FER: variants seen among roughly 807,000 people sequenced by gnomAD.
FER encodes the protein tyrosine-protein kinase Fer.
In FER, 63 loss-of-function variants were observed where a neutral mutation model predicts 111.0. That is an observed-to-expected ratio of 0.57 (90% CI 0.46 to 0.70). FER has a LOEUF of 0.70. Ranked by LOEUF, FER falls within the 30% of genes least tolerant of loss-of-function variation. The pLI, the probability that FER is intolerant of heterozygous loss-of-function variation, is 0.00. For synonymous variants in FER, 327 were observed against 313.9 expected (o/e 1.04, Z -0.44); for missense variants, 914 against 954.0 (o/e 0.96, Z 0.55).
At chr5:108,774,784 G>A (rs911893038) in intron 2 of FER, among the ~76,000 whole-genome samples, 15 of 150,958 alleles carry the variant, frequency 9.9e-5, no homozygotes, top group African/African-American at 3.7e-4. Context: ...TGAAAATTTT[G>A]GATATTAGAC....
intron 5 of FER, among the ~76,000 whole-genome samples, chr5:108,849,637 C>G (rs1762359995): frequency 6.6e-6 from 1 of 152,134 alleles, no homozygotes; most frequent in Admixed American, 6.6e-5. Flanking sequence ...TCACCCAGTT[C>G]TAACATCTGT....
chr5:109,195,480 T>G lies in FER; in HGVS notation c.*7905T>G, dbSNP rs576581255. ...ATTGGTTCTACAAGGTTCATCTGAT[T>G]TCCCATAACAAGTAAATTTTATAAT... On this transcript the variant is annotated 3_prime_UTR_variant, in exon 20 of 20. Coordinates refer to ENST00000281092, the MANE Select transcript of FER (RefSeq NM_005246.4). The G allele has an allele frequency of 2.0e-5, 3 of 152,210 alleles. No individual in the cohort carries two copies. The highest frequency in any genetic ancestry group is 4.4e-5 in the Non-Finnish European group (3 of 68,034). 9.4% of individuals were successfully genotyped at this position (152,210 alleles called of 1,614,324 possible). A position where few individuals can be genotyped will look rare whatever the true frequency, so the allele number is the denominator to read the frequency against.
intron 2 of FER, among the ~76,000 whole-genome samples, chr5:108,789,298 A>C (rs1755087617): frequency 6.6e-6 from 1 of 152,080 alleles, no homozygotes; most frequent in African/African-American, 2.4e-5. Flanking sequence ...CAGAAGATAA[A>C]TTGGCATGCC....
At chr5:109,132,403 T>G (rs1752449982) in intron 17 of FER, among the ~76,000 whole-genome samples, 1 of 152,196 alleles carries the variant, frequency 6.6e-6, no homozygotes, top group South Asian at 2.1e-4. Context: ...GAACTTGGGA[T>G]GCATCAGTGA....
intron 13 of FER, among the ~76,000 whole-genome samples, chr5:109,006,336 G>A (rs1191758053): frequency 6.6e-6 from 1 of 152,152 alleles, no homozygotes; most frequent in African/African-American, 2.4e-5. Flanking sequence ...AGTCTTTCCT[G>A]TGCTGTTCTT....
intron 3 of FER, among the ~76,000 whole-genome samples, chr5:108,824,683 C>T (rs932301261): frequency 1.2e-4 from 19 of 152,038 alleles, no homozygotes; most frequent in African/African-American, 4.1e-4. Flanking sequence ...AAAAGAAAAA[C>T]AAATGTTATT....
intron 2 of FER, among the ~76,000 whole-genome samples, chr5:108,786,896 T>G (rs1420085079): frequency 6.6e-6 from 1 of 152,206 alleles, no homozygotes; most frequent in Non-Finnish European, 1.5e-5. Flanking sequence ...AGTTTTTACA[T>G]CTTCCTCTAA....
chr5:109,014,665 C>T (rs919424569), intron 13 of FER, among the ~76,000 whole-genome samples: 3 of 152,082 alleles, frequency 2.0e-5, no homozygotes, highest in Non-Finnish European at 2.9e-5. Context: ...CTATAAATTA[C>T]CTTGGGCAGT....
At chr5:108,978,906 C>G (rs1243918020) in intron 13 of FER, among the ~76,000 whole-genome samples, 1 of 152,064 alleles carries the variant, frequency 6.6e-6, no homozygotes, top group Non-Finnish European at 1.5e-5. Context: ...AAAAAATATT[C>G]AGATTGGAGA....
chr5:108,963,859 G>A (rs1264604223), intron 13 of FER, among the ~76,000 whole-genome samples: 1 of 152,122 alleles, frequency 6.6e-6, no homozygotes, highest in Non-Finnish European at 1.5e-5. Flanking sequence ...TACATTGTTA[G>A]TTTTAGATGA....
chr5:108,977,413 T>C (rs1761500580), intron 13 of FER, among the ~76,000 whole-genome samples: 2 of 152,186 alleles, frequency 1.3e-5, no homozygotes, highest in Non-Finnish European at 2.9e-5. Flanking sequence ...AGGCAATTCA[T>C]CTGCTTTTCC....
chr5:108,954,585 T>G, intron 11 of FER, 144 bp from the exon 12 acceptor site: 1 of 599,034 alleles, frequency 1.7e-6, no homozygotes, highest in South Asian at 2.7e-5. Flanking sequence ...CTTCAAAAGA[T>G]ATTTTAGGTT....
intron 17 of FER, among the ~76,000 whole-genome samples, chr5:109,162,446 C>A (rs903613595): frequency 3.9e-5 from 6 of 152,070 alleles, no homozygotes; most frequent in African/African-American, 9.7e-5. Flanking sequence ...TAAGTGCCAT[C>A]TAGATCCTGT....
intron 13 of FER, among the ~76,000 whole-genome samples, chr5:109,028,899 C>G (rs190463347): frequency 2.0e-5 from 3 of 147,134 alleles, no homozygotes; most frequent in East Asian, 1.9e-4. Flanking sequence ...GATCACATAC[C>G]TGTTAACATG....
intron 18 of FER, among the ~76,000 whole-genome samples, chr5:109,183,752 G>A (rs776645056): frequency 6.6e-5 from 10 of 152,074 alleles, no homozygotes; most frequent in Non-Finnish European, 1.3e-4. Flanking sequence ...GCAACACAGC[G>A]AGACCCTGTC....
At chr5:109,187,257 T>TTGAA in intron 19 of FER, among the ~76,000 whole-genome samples, 176 bp from the exon 20 acceptor site, 3 of 152,326 alleles carry the variant, frequency 2.0e-5, no homozygotes, top group Middle Eastern at 6.8e-3. Context: ...CTCTGTAATA[T>TTGAA]TGAATTCTGC....
intron 13 of FER, among the ~76,000 whole-genome samples, chr5:109,028,778 C>T (rs933360515): frequency 6.6e-6 from 1 of 152,182 alleles, no homozygotes; most frequent in African/African-American, 2.4e-5. Flanking sequence ...CTATTTATAG[C>T]AGGAATTGTA....
At chr5:108,789,826 C>T (rs567616130) in intron 2 of FER, among the ~76,000 whole-genome samples, 6 of 152,232 alleles carry the variant, frequency 3.9e-5, no homozygotes, top group African/African-American at 1.2e-4. Flanking sequence ...TGGTCTCGAA[C>T]TCCTGACCTC....
At chr5:108,919,977 A>G (rs144806421) in intron 10 of FER, among the ~76,000 whole-genome samples, 87 of 152,256 alleles carry the variant, frequency 5.7e-4, no homozygotes, top group African/African-American at 1.9e-3. Flanking sequence ...AATGTTTAGT[A>G]CAGTGCCTGG....
Sources: gnomAD v4.1 joint callset for allele counts (sites outside exome capture counted in the v4.1 genomes callset) on GRCh38, gnomAD v4.1.1 for gene constraint, MANE v1.5 for transcripts, NCBI Gene and HGNC (gene_info 2026-07-23, HGNC 2026-07-21) for gene names.